The following MCTP1 variants were observed in gnomAD, a reference collection of about 807,000 sequenced individuals.
The protein encoded by MCTP1 is multiple C2 and transmembrane domain-containing protein 1.
In MCTP1, 69 loss-of-function variants were observed where a neutral mutation model predicts 120.6. That is an observed-to-expected ratio of 0.57 (90% CI 0.47 to 0.70). The LOEUF (loss-of-function observed/expected upper bound fraction) is 0.70, where lower values mean the gene tolerates loss of function less well. Ranked by LOEUF, MCTP1 falls within the 30% of genes least tolerant of loss-of-function variation. The probability of loss-of-function intolerance (pLI) is 0.00; values close to 1 mark genes in which losing one functional copy is unlikely to be tolerated. For synonymous variants in MCTP1, 529 were observed against 493.1 expected (o/e 1.07, Z -0.96); for missense variants, 1,203 against 1,248.8 (o/e 0.96, Z 0.55).
intron 19 of MCTP1, among the ~76,000 whole-genome samples, chr5:94,719,843 T>C (rs933123954): frequency 3.9e-5 from 6 of 152,124 alleles, no homozygotes; most frequent in Non-Finnish European, 7.4e-5. Flanking sequence ...ATAATTAAAA[T>C]TTTTGGCTGG....
At position 94,971,437 on chromosome 5, in the gene MCTP1, A is replaced by T. The variant is rs1010864215; in HGVS notation, c.839-18076T>A. Among the ~76,000 whole-genome samples, 8 of 152,284 alleles carry T rather than the reference A, an allele frequency of 5.3e-5. 1 individual carries two copies. The East Asian group carries it at 1.5e-3, about 29-fold the overall frequency. The stretch of plus-strand genomic sequence containing the variant: ...ATTATCATCAAGGTTCTAGCAAGAT[A>T]AAGTTAAATATGTAGAAAACTAGTG... On this transcript the variant is annotated intron_variant, in intron 2 of 22. Coordinates refer to ENST00000515393, the MANE Select transcript of MCTP1 (RefSeq NM_024717.7).
At chr5:94,728,759 T>C (rs1244967215) in intron 19 of MCTP1, among the ~76,000 whole-genome samples, 1 of 152,212 alleles carries the variant, frequency 6.6e-6, no homozygotes, top group Non-Finnish European at 1.5e-5. Context: ...CTGATTTCTC[T>C]CTCATTTTCT....
At chr5:94,725,870 T>A (rs1762026112) in intron 19 of MCTP1, among the ~76,000 whole-genome samples, 1 of 152,216 alleles carries the variant, frequency 6.6e-6, no homozygotes, top group South Asian at 2.1e-4. Context: ...ATCTGGAACA[T>A]AGGAAGTGCT....
At chr5:94,872,525 T>C (rs1426780205) in intron 13 of MCTP1, among the ~76,000 whole-genome samples, 1 of 152,080 alleles carries the variant, frequency 6.6e-6, no homozygotes, top group Admixed American at 6.6e-5. Flanking sequence ...AGAATTTTCC[T>C]TTGTTCAGAG....
intron 17 of MCTP1, among the ~76,000 whole-genome samples, chr5:94,817,221 G>A (rs1336639924): frequency 6.6e-6 from 1 of 152,100 alleles, no homozygotes; most frequent in Non-Finnish European, 1.5e-5. Context: ...TGGCCAACAT[G>A]GTGAAACCTC....
intron 19 of MCTP1, among the ~76,000 whole-genome samples, chr5:94,734,138 C>T (rs1292629952): frequency 6.6e-6 from 1 of 152,128 alleles, no homozygotes. Context: ...AATGTACCAG[C>T]TGCCACTTAC....
intron 19 of MCTP1, among the ~76,000 whole-genome samples, chr5:94,767,054 A>G (rs1419160545): frequency 6.6e-6 from 1 of 152,226 alleles, no homozygotes; most frequent in East Asian, 1.9e-4. Flanking sequence ...CCAACAGTAC[A>G]TCAAAAAGAT....
intron 3 of MCTP1, among the ~76,000 whole-genome samples, chr5:94,952,312 G>A (rs892513107): frequency 3.2e-4 from 49 of 151,698 alleles, no homozygotes; most frequent in Middle Eastern, 3.4e-3. Flanking sequence ...GTATACTTAT[G>A]AGATTCTCTT....
rs533107726 is a variant in MCTP1 at position 94,764,094 on chromosome 5, G to A, written c.2610+15016C>T. On this transcript the variant is annotated intron_variant, in intron 19 of 22. Coordinates refer to ENST00000515393, the MANE Select transcript of MCTP1 (RefSeq NM_024717.7). The stretch of plus-strand genomic sequence containing the variant: ...AGGCTAAAGGAGTAGCTTCTCTGTG[G>A]ATAGTGCCAGCCTTGTTGCAGAAGG... Among the ~76,000 whole-genome samples, 3 of 152,266 alleles carry A rather than the reference G, an allele frequency of 2.0e-5. No homozygotes were observed. In the East Asian group the frequency reaches 5.8e-4, roughly 29 times the overall value.
intron 1 of MCTP1, among the ~76,000 whole-genome samples, chr5:95,079,395 T>C (rs969908489): frequency 6.6e-6 from 1 of 152,208 alleles, no homozygotes; most frequent in African/African-American, 2.4e-5. Flanking sequence ...AGGTTTTCTC[T>C]GATATTACAA....
At chr5:94,919,158 G>A (rs573790462) in intron 7 of MCTP1, among the ~76,000 whole-genome samples, 83 of 152,276 alleles carry the variant, frequency 5.5e-4, no homozygotes, top group African/African-American at 1.8e-3. Flanking sequence ...AAGAGTAGGC[G>A]GGTGGTAATA....
At chr5:95,272,809 T>G (rs573541640) in intron 1 of MCTP1, among the ~76,000 whole-genome samples, 1 of 152,030 alleles carries the variant, frequency 6.6e-6, no homozygotes. Context: ...TTTTGCTGCA[T>G]AGTGGGCCAA....
At chr5:95,011,271 A>G (rs1471483997) in intron 2 of MCTP1, among the ~76,000 whole-genome samples, 1 of 152,146 alleles carries the variant, frequency 6.6e-6, no homozygotes, top group Non-Finnish European at 1.5e-5. Flanking sequence ...GGTGTTTGTT[A>G]AAAGGTGACT....
chr5:95,259,086 A>G (rs1758201403), intron 1 of MCTP1, among the ~76,000 whole-genome samples: 1 of 152,228 alleles, frequency 6.6e-6, no homozygotes, highest in Admixed American at 6.5e-5. Context: ...GTCTGAGGCC[A>G]AGAATAAATT....
At chr5:94,985,542 A>T (rs1401032052) in intron 2 of MCTP1, among the ~76,000 whole-genome samples, 3 of 152,184 alleles carry the variant, frequency 2.0e-5, no homozygotes, top group Non-Finnish European at 4.4e-5. Context: ...AGTTCTGAAG[A>T]TCTTCACTTA....
intron 1 of MCTP1, among the ~76,000 whole-genome samples, chr5:95,233,852 T>G (rs557376464): frequency 6.6e-6 from 1 of 151,940 alleles, no homozygotes; most frequent in Admixed American, 6.5e-5. Flanking sequence ...AAGAGCAACT[T>G]AAATCCAACG....
intron 19 of MCTP1, among the ~76,000 whole-genome samples, chr5:94,728,022 A>G (rs1193570947): frequency 2.0e-5 from 3 of 152,178 alleles, no homozygotes; most frequent in Non-Finnish European, 4.4e-5. Context: ...TTAGTGTTCT[A>G]TGGGATGCTG....
intron 1 of MCTP1, among the ~76,000 whole-genome samples, chr5:95,168,453 G>A (rs1442035954): frequency 3.3e-5 from 5 of 152,294 alleles, no homozygotes; most frequent in East Asian, 3.9e-4. Flanking sequence ...GTAGCTTAAT[G>A]GGGATGGCAT....
chr5:95,104,118 T>G (rs183066799), intron 1 of MCTP1, among the ~76,000 whole-genome samples: 2 of 152,316 alleles, frequency 1.3e-5, no homozygotes, highest in Admixed American at 6.5e-5. Flanking sequence ...AATTACTTAT[T>G]CTATAACCTG....
Sources: gnomAD v4.1 joint callset for allele counts (sites outside exome capture counted in the v4.1 genomes callset) on GRCh38, gnomAD v4.1.1 for gene constraint, MANE v1.5 for transcripts, NCBI Gene and HGNC (gene_info 2026-07-23, HGNC 2026-07-21) for gene names.